The following TRRAP variants were observed in gnomAD, a reference collection of about 807,000 sequenced individuals.
The protein encoded by TRRAP is transformation/transcription domain associated protein, also known as transformation/transcription domain-associated protein.
A neutral mutation model predicts 438.8 loss-of-function variants in TRRAP; 41 were observed. The observed-to-expected ratio is 0.09, with a 90% CI of 0.07 to 0.12. TRRAP has a LOEUF of 0.12. TRRAP is among the 10% of genes least tolerant of loss of function. The pLI, the probability that TRRAP is intolerant of heterozygous loss-of-function variation, is 1.00. For synonymous variants in TRRAP, 1,994 were observed against 1,962.9 expected (o/e 1.02, Z -0.42); for missense variants, 3,122 against 5,055.1 (o/e 0.62, Z 11.60).
chr7:98,993,744 G>A lies in TRRAP; in HGVS notation c.10047+7G>A. 6.2e-7 allele frequency: 1 copy of A among 1,614,146 alleles called. No homozygotes were observed. The highest frequency in any genetic ancestry group is 2.2e-5 in the East Asian group (1 of 44,886). ...AGAAAATTGGCATGAAGAGGTATTT[G>A]GCTCTGATCTTGCACATGGTGGCTC... On this transcript the variant is annotated splice_region_variant and intron_variant, in intron 66 of 72. Coordinates refer to ENST00000456197, the MANE Select transcript of TRRAP (RefSeq NM_001375524.1).
Position 98,994,550 on chromosome 7 carries a change from C to T in TRRAP, c.10048-37C>T, listed in dbSNP as rs774981091. On this transcript the variant is annotated intron_variant, in intron 66 of 72. Coordinates refer to ENST00000456197, the MANE Select transcript of TRRAP (RefSeq NM_001375524.1). This position sits in a 1 kb window ranked among gnomAD's most constrained non-coding sequence, Gnocchi z 4.8. The stretch of plus-strand genomic sequence containing the variant: ...TGGCTGCTGGTTCTGGAGTGGAGGG[C>T]TGTGTTTGTCAGTTGTCTCTGGCTC... The T allele has an allele frequency of 6.4e-5, 103 of 1,611,296 alleles. No homozygotes were observed. Among genetic ancestry groups the T allele is most frequent in the Non-Finnish European group, 8.4e-5 (99 of 1,178,594 alleles).
At chr7:99,007,319 A>G (rs796978997) in intron 69 of TRRAP, among the ~76,000 whole-genome samples, 9 of 152,210 alleles carry the variant, frequency 5.9e-5, no homozygotes, top group African/African-American at 2.2e-4. Flanking sequence ...GAAAGCCTCT[A>G]AGAGTGAGCA....
At position 98,950,119 on chromosome 7, in the gene TRRAP, C is replaced by A; in HGVS notation, c.5191C>A (p.Arg1731Ser). Residue 1731 changes from arginine to serine, a missense_variant, in exon 38 of 73, where the codon CGT becomes AGT. Around this residue, in one of 24 missense-constraint regions of TRRAP, gnomAD observed 272 missense variants for 348.5 expected, o/e 0.78. Transcript: ENST00000456197. ...LFQLLRAFTG[R>S]FLCNMTFLKE... ...CCAGCTGCTCCGAGCCTTTACTGGT[C>A]GTTTTCTCTGCAACATGACATTCTT... 2 of 1,614,176 alleles carry A rather than the reference C, an allele frequency of 1.2e-6. No individual in the cohort carries two copies. The highest frequency in any genetic ancestry group is 2.2e-5 in the South Asian group (2 of 91,050).
chr7:98,881,033 A>C, intron 1 of TRRAP, 57 bp from the exon 2 acceptor site: 20 of 676,530 alleles, frequency 3.0e-5, no homozygotes, highest in Non-Finnish European at 4.2e-5. Context: ...AGATTTTCAC[A>C]GAGATTGTGA....
chr7:98,992,340 G>A (rs1323096225), intron 65 of TRRAP, 113 bp downstream of exon 65: 20 of 1,096,500 alleles, frequency 1.8e-5, no homozygotes, highest in Admixed American at 5.3e-5. Flanking sequence ...ACTCATAGCC[G>A]TGGCCAATCT....
chr7:98,949,631 C>T (rs782604029), intron 36 of TRRAP, 29 bp from the exon 37 acceptor site: 226 of 1,599,858 alleles, frequency 1.4e-4, no homozygotes, highest in Non-Finnish European at 1.7e-4. Flanking sequence ...AATCGAGACA[C>T]GGTTCCCTAA....
Position 98,994,547 on chromosome 7 carries a change from G to A in TRRAP, c.10048-40G>A. The A allele has an allele frequency of 6.2e-7, 1 of 1,611,220 alleles. No individual in the cohort carries two copies. Among genetic ancestry groups the A allele is most frequent in the Non-Finnish European group, 8.5e-7 (1 of 1,178,566 alleles). ...TTTTGGCTGCTGGTTCTGGAGTGGA[G>A]GGCTGTGTTTGTCAGTTGTCTCTGG... On this transcript the variant is annotated intron_variant, in intron 66 of 72. Coordinates refer to ENST00000456197, the MANE Select transcript of TRRAP (RefSeq NM_001375524.1). This position sits in a 1 kb window ranked among gnomAD's most constrained non-coding sequence, Gnocchi z 4.8.
At chr7:98,921,992 T>G in intron 21 of TRRAP, 39 bp downstream of exon 21, 1 of 1,612,990 alleles carries the variant, frequency 6.2e-7, no homozygotes, top group Non-Finnish European at 8.5e-7. Flanking sequence ...TTAAGCCTTG[T>G]GAAGATACTA....
chr7:98,983,507 G>T (rs543061275), intron 60 of TRRAP, 48 bp downstream of exon 60: 1 of 1,602,412 alleles, frequency 6.2e-7, no homozygotes, highest in Non-Finnish European at 8.5e-7. Context: ...TTTTCCAGAC[G>T]CCCCACGGTT....
chr7:98,966,297 C>T (rs1383406885), intron 49 of TRRAP, among the ~76,000 whole-genome samples: 2 of 151,642 alleles, frequency 1.3e-5, no homozygotes, highest in African/African-American at 4.9e-5. Flanking sequence ...CAGAGCAAGA[C>T]TCTGTCTTGG....
At chr7:98,888,062 C>G (rs1378073448) in intron 3 of TRRAP, among the ~76,000 whole-genome samples, 10 of 152,010 alleles carry the variant, frequency 6.6e-5, no homozygotes, top group Non-Finnish European at 1.5e-4. Context: ...AACCCCGTCT[C>G]TACCAAAAAT....
chr7:98,977,451 GCCTGGC>G, intron 56 of TRRAP, among the ~76,000 whole-genome samples: 1 of 152,290 alleles, frequency 6.6e-6, no homozygotes, highest in East Asian at 1.9e-4. Flanking sequence ...GAGCCACTGC[GCCTGGC>G]CCATAGTTCA....
chr7:98,909,938 G>A lies in TRRAP; in HGVS notation c.1351-118G>A. On this transcript the variant is annotated intron_variant, in intron 14 of 72. Transcript: ENST00000456197. ...CCTTTGACACCAACCTCATAGAAAA[G>A]CAGCATGACTTGAGCAGCTGGTGTC... 5.6e-6 allele frequency: 8 copies of A among 1,439,090 alleles called. No homozygotes were observed. The South Asian group carries it at 1.2e-4, about 21-fold the overall frequency. The allele number at this position is 1,439,090 out of a possible 1,614,324, so 89.1% of individuals were successfully genotyped here. A position where few individuals can be genotyped will look rare whatever the true frequency, so the allele number is the denominator to read the frequency against.
intron 64 of TRRAP, among the ~76,000 whole-genome samples, chr7:98,990,981 T>A (rs567229111): frequency 1.3e-5 from 2 of 152,316 alleles, no homozygotes; most frequent in South Asian, 4.1e-4. Flanking sequence ...CCTCTGATTT[T>A]TTGTCATATG....
rs61132070 is a variant in TRRAP, at chr7:98,997,483, C to CAAAAAAAAAAAAAAAAAAA, written c.10309+2646_10309+2664dup. Among the ~76,000 whole-genome samples the CAAAAAAAAAAAAAAAAAAA allele has an allele frequency of 3.3e-4, 14 of 42,618 alleles. 2 individuals carry two copies. In the East Asian group the frequency reaches 4.3e-3, roughly 13 times the overall value. 28.0% of individuals were successfully genotyped at this position (42,618 alleles called of 152,430 possible). A position where few individuals can be genotyped will look rare whatever the true frequency, so the allele number is the denominator to read the frequency against. On this transcript the variant is annotated intron_variant, in intron 67 of 72. Transcript: ENST00000456197. ...ATTATCACCCAAAACACTGCTGTTG[C>CAAAAAAAAAAAAAAAAAAA]AAAAAAAAAAAAAAAAAAAAAAAAA...
chr7:99,011,380 A>G lies in TRRAP; in HGVS notation c.11182A>G (p.Ile3728Val). ...GAATGTTGCCTACTTTCGATTTGAC[A>G]TAAACGACGCGACTGGAGACCTGGA... is the stretch of plus-strand genomic sequence containing the variant. ...KLNVAYFRFDINDATGDLDAN... is the reference protein window; with the variant it reads ...KLNVAYFRFDVNDATGDLDAN... Residue 3728 changes from isoleucine to valine, a missense_variant, in exon 72 of 73, where the codon ATA (isoleucine) becomes GTA (valine). Coordinates refer to ENST00000456197, the MANE Select transcript of TRRAP (RefSeq NM_001375524.1). This position sits in a 1 kb window ranked among gnomAD's most constrained non-coding sequence, Gnocchi z 7.1. 2 of 1,614,260 alleles carry G rather than the reference A, an allele frequency of 1.2e-6. No homozygotes were observed. The highest frequency in any genetic ancestry group is 8.5e-7 in the Non-Finnish European group (1 of 1,180,046).
In TRRAP at chr7:98,956,332, C is replaced by A; in HGVS notation, c.6096+28C>A. 6.2e-7 allele frequency: 1 copy of A among 1,613,454 alleles called. No individual in the cohort carries two copies. The highest frequency in any genetic ancestry group is 8.5e-7 in the Non-Finnish European group (1 of 1,179,528). Reference sequence around the variant, plus strand: ...AGGGGTGTCAGCCTCAGGGGTGCCCCGATCGTCTTCCTTTGACTTCTCCCT... The same window carrying A: ...AGGGGTGTCAGCCTCAGGGGTGCCCAGATCGTCTTCCTTTGACTTCTCCCT... On this transcript the variant is annotated intron_variant, in intron 42 of 72. Transcript: ENST00000456197. The surrounding 1 kb of genome is among the most constrained non-coding windows in gnomAD (Gnocchi z 4.5).
Position 98,910,600 on chromosome 7 carries a change from T to C in TRRAP, c.1805T>C (p.Ile602Thr). ...LVKYAMQALDIYQVQIAGNGQ... is the reference protein window; with the variant it reads ...LVKYAMQALDTYQVQIAGNGQ... ...AAATATGCAATGCAAGCTTTAGATATTTATCAGGTAAGGAAGTGCCCTCCA... is the reference window on the plus strand; with the variant it reads ...AAATATGCAATGCAAGCTTTAGATACTTATCAGGTAAGGAAGTGCCCTCCA... The change falls in exon 16 of 73, where the codon ATT (isoleucine) becomes ACT (threonine). Residue 602 changes from isoleucine (I) to threonine (T), a missense_variant. Physicochemically the swap from Ile to Thr is moderately conservative, Grantham distance 89. Transcript: ENST00000456197. The C allele has an allele frequency of 6.2e-7, 1 of 1,612,852 alleles. No homozygotes were observed. The highest frequency in any genetic ancestry group is 1.1e-5 in the South Asian group (1 of 90,796).
chr7:98,883,620 G>A (rs1159954281), intron 3 of TRRAP, among the ~76,000 whole-genome samples: 1 of 152,112 alleles, frequency 6.6e-6, no homozygotes, highest in Admixed American at 6.6e-5. Flanking sequence ...GCTCAGGTGA[G>A]CCTCCCACTC....
Sources: allele counts gnomAD v4.1 joint callset (sites outside exome capture counted in the v4.1 genomes callset), GRCh38; gene constraint gnomAD v4.1.1; regional missense constraint gnomAD v4.1.1; non-coding constraint Gnocchi (gnomAD v3.1); transcripts MANE v1.5; gene names NCBI Gene and HGNC (gene_info 2026-07-23, HGNC 2026-07-21).